PEX5L: variants seen among roughly 807,000 people sequenced by gnomAD.
PEX5L encodes the protein PEX5-related protein.
A neutral mutation model predicts 84.0 loss-of-function variants in PEX5L; 30 were observed. The observed-to-expected ratio is 0.36, with a 90% CI of 0.27 to 0.48. The LOEUF is 0.48. Among genes scored for constraint, PEX5L ranks in the 20% least tolerant of loss-of-function variants. The pLI is 0.99. For missense variants in PEX5L, 533 were observed against 754.6 expected, an observed-to-expected ratio of 0.71 and a Z score of 3.44; for synonymous variants, 270 against 283.1, an observed-to-expected ratio of 0.95 and a Z score of 0.46.
intron 9 of PEX5L, among the ~76,000 whole-genome samples, chr3:179,818,615 C>T (rs1178472799): frequency 6.6e-6 from 1 of 151,772 alleles, no homozygotes; most frequent in Non-Finnish European, 1.5e-5. Context: ...ATTACCCTTC[C>T]CAGCCTCTGG....
chr3:180,014,668 TA>T (rs1398830828), intron 1 of PEX5L, among the ~76,000 whole-genome samples: 1 of 152,166 alleles, frequency 6.6e-6, no homozygotes, highest in African/African-American at 2.4e-5. Context: ...TTAAGTCATA[TA>T]AAAACAGTTT....
At chr3:179,861,970 T>C (rs1376423402) in intron 7 of PEX5L, among the ~76,000 whole-genome samples, 3 of 152,188 alleles carry the variant, frequency 2.0e-5, no homozygotes, top group African/African-American at 7.2e-5. Flanking sequence ...GTAACAAATA[T>C]AAACTACCAC....
Position 179,977,217 on chromosome 3 carries a change from A to T in PEX5L, c.22-5552T>A, listed in dbSNP as rs905820730. ...TCCTTGAGAGATCCATAACATTGCCACAGAAAATACTCATTTAAAGACTTC... is the reference window on the plus strand; with the variant it reads ...TCCTTGAGAGATCCATAACATTGCCTCAGAAAATACTCATTTAAAGACTTC... On this transcript the variant is annotated intron_variant, in intron 1 of 14. Coordinates refer to ENST00000467460, the MANE Select transcript of PEX5L (RefSeq NM_016559.3). Among the ~76,000 whole-genome samples, 11 of 152,230 alleles carry T rather than the reference A, an allele frequency of 7.2e-5. No individual in the cohort carries two copies. In the South Asian group the frequency reaches 1.2e-3, roughly 17 times the overall value.
At chr3:179,873,537 G>A (rs1751088503) in intron 7 of PEX5L, among the ~76,000 whole-genome samples, 1 of 152,114 alleles carries the variant, frequency 6.6e-6, no homozygotes, top group Non-Finnish European at 1.5e-5. Context: ...ACTGACTTTG[G>A]CCTTCTTAGA....
At chr3:179,927,760 C>T (rs1771875351) in intron 2 of PEX5L, among the ~76,000 whole-genome samples, 2 of 151,930 alleles carry the variant, frequency 1.3e-5, no homozygotes, top group South Asian at 4.2e-4. Flanking sequence ...TGTAACCTTG[C>T]AAGCTAAGTT....
intron 1 of PEX5L, among the ~76,000 whole-genome samples, chr3:180,013,850 C>G (rs1056548114): frequency 3.3e-5 from 5 of 152,046 alleles, no homozygotes; most frequent in Non-Finnish European, 7.4e-5. Flanking sequence ...TTTTTTCTAC[C>G]TTTCTTTTTG....
At chr3:179,815,714 G>A (rs1725819422) in intron 10 of PEX5L, 147 bp downstream of exon 10, 11 of 789,322 alleles carry the variant, frequency 1.4e-5, no homozygotes, top group Non-Finnish European at 2.2e-5. Context: ...GTACTTATTT[G>A]TAACTTTTAA....
chr3:179,872,910 G>GA (rs1389922856), intron 7 of PEX5L, among the ~76,000 whole-genome samples: 2 of 152,192 alleles, frequency 1.3e-5, no homozygotes, highest in African/African-American at 4.8e-5. Flanking sequence ...GAGCACCAAG[G>GA]AAAAAACTAC....
chr3:179,854,449 C>T (rs903115164), intron 8 of PEX5L, among the ~76,000 whole-genome samples: 1 of 152,068 alleles, frequency 6.6e-6, no homozygotes, highest in African/African-American at 2.4e-5. Context: ...CCCAATGTTA[C>T]TGGCAAGATT....
intron 3 of PEX5L, chr3:179,888,189 A>G (rs1177695604): frequency 7.8e-7 from 1 of 1,288,886 alleles, no homozygotes; most frequent in East Asian, 5.5e-5. Flanking sequence ...TCTGGTTAGC[A>G]CTGCTCAGTC....
chr3:179,817,020 A>C (rs1726385506), intron 9 of PEX5L, among the ~76,000 whole-genome samples: 1 of 152,116 alleles, frequency 6.6e-6, no homozygotes, highest in African/African-American at 2.4e-5. Flanking sequence ...GTTTTTGCTA[A>C]GTGCTACCAC....
At chr3:179,919,422 G>A (rs1202291198) in intron 2 of PEX5L, among the ~76,000 whole-genome samples, 2 of 152,098 alleles carry the variant, frequency 1.3e-5, no homozygotes, top group Non-Finnish European at 1.5e-5. Context: ...TTAGGGGCTC[G>A]TTCTTGCATT....
At chr3:179,880,205 G>T in intron 4 of PEX5L, 82 bp from the exon 5 acceptor site, 2 of 817,034 alleles carry the variant, frequency 2.4e-6, no homozygotes, top group South Asian at 2.1e-5. Flanking sequence ...GGTACAGAAA[G>T]ATTTTATGTT....
chr3:179,831,184 G>A (rs1038527334), intron 8 of PEX5L, among the ~76,000 whole-genome samples: 3 of 151,686 alleles, frequency 2.0e-5, no homozygotes, highest in Admixed American at 6.6e-5. Flanking sequence ...GCATGGTGGC[G>A]GGTGCCTGTA....
At chr3:179,902,545 CAT>C in intron 2 of PEX5L, 1 of 307,380 alleles carries the variant, frequency 3.3e-6, no homozygotes, top group South Asian at 3.0e-5. Context: ...CTAAGTATTT[CAT>C]ATATATACAA....
chr3:179,983,624 A>G (rs911629255), intron 1 of PEX5L, among the ~76,000 whole-genome samples: 3 of 151,934 alleles, frequency 2.0e-5, no homozygotes, highest in African/African-American at 7.2e-5. Context: ...AAACTCCACC[A>G]TTTTTACTTA....
intron 7 of PEX5L, among the ~76,000 whole-genome samples, chr3:179,861,900 T>C (rs1236739584): frequency 6.6e-6 from 1 of 152,226 alleles, no homozygotes; most frequent in Non-Finnish European, 1.5e-5. Flanking sequence ...GATTTCTTGA[T>C]ATCATGTGAG....
At chr3:180,024,532 G>C in intron 1 of PEX5L, among the ~76,000 whole-genome samples, 1 of 133,334 alleles carries the variant, frequency 7.5e-6, no homozygotes, top group East Asian at 2.0e-4. Flanking sequence ...GAGATGGAGC[G>C]AGACTCCGTT....
chr3:180,032,657 C>T (rs559494734), intron 1 of PEX5L, among the ~76,000 whole-genome samples: 1 of 152,294 alleles, frequency 6.6e-6, no homozygotes, highest in Admixed American at 6.5e-5. Flanking sequence ...AGTTCAAGAC[C>T]AGCCTGGACA....
Sources: gnomAD v4.1 joint callset for allele counts (sites outside exome capture counted in the v4.1 genomes callset) on GRCh38, gnomAD v4.1.1 for gene constraint, MANE v1.5 for transcripts, NCBI Gene and HGNC (gene_info 2026-07-23, HGNC 2026-07-21) for gene names.